The following TTYH2 variants were observed in gnomAD, a reference collection of about 807,000 sequenced individuals.
TTYH2 encodes the protein tweety family member 2.
A neutral mutation model predicts 68.3 loss-of-function variants in TTYH2; 49 were observed. The ratio of observed to expected loss-of-function variants is 0.72; its 90% confidence interval spans 0.57 to 0.91. The LOEUF is 0.91. Among genes scored for constraint, TTYH2 ranks in the 40% least tolerant of loss-of-function variants. The pLI is 0.00. For missense variants in TTYH2, 631 were observed against 700.4 expected (o/e 0.90, Z 1.12); for synonymous variants, 272 against 300.8 (o/e 0.90, Z 0.99).
chr17:74,246,521 C>T (rs2050559468), intron 6 of TTYH2, among the ~76,000 whole-genome samples: 1 of 152,090 alleles, frequency 6.6e-6, no homozygotes, highest in South Asian at 2.1e-4. Flanking sequence ...ACGGGGGTCC[C>T]TTCAGACCCA....
Position 74,222,578 on chromosome 17 carries a change from C to CGGG in TTYH2, c.224_226dup (p.Arg75_Asp76insGly). On this transcript the variant is annotated inframe_insertion, in exon 2 of 14. Transcript: ENST00000269346. The surrounding 1 kb of genome is among the most constrained non-coding windows in gnomAD (Gnocchi z 5.2). ...CCTGGTCTGTGCATGCCACTGCCGG[C>CGGG]GGGACGATGCGGTGCAGACCAAGCA... 1 of 1,612,400 alleles carries CGGG rather than the reference C, an allele frequency of 6.2e-7. No homozygotes were observed. The highest frequency in any genetic ancestry group is 1.1e-5 in the South Asian group (1 of 91,084).
chr17:74,237,991 G>A (rs1361621300), intron 4 of TTYH2, among the ~76,000 whole-genome samples: 2 of 152,122 alleles, frequency 1.3e-5, no homozygotes, highest in Non-Finnish European at 2.9e-5. Flanking sequence ...GGCTTACAGG[G>A]GCCACGTGGT....
rs181119428 is a variant in TTYH2 at position 74,239,911 on chromosome 17, C to T, written c.635+2397C>T. 2.6e-5 allele frequency among the ~76,000 whole-genome samples: 4 copies of T among 152,334 alleles called. No individual in the cohort carries two copies. The highest frequency in any genetic ancestry group is 3.9e-4 in the East Asian group (2 of 5,192). ...CAGGCAGGGGCAGGACCCATTTTAA[C>T]GTCACTCTTCTCTGAGCACACCTAG... On this transcript the variant is annotated intron_variant, in intron 4 of 13. Coordinates refer to ENST00000269346, the MANE Select transcript of TTYH2 (RefSeq NM_032646.6). This position sits in a 1 kb window ranked among gnomAD's most constrained non-coding sequence, Gnocchi z 5.3.
intron 13 of TTYH2, among the ~76,000 whole-genome samples, chr17:74,258,188 C>T (rs1271338885): frequency 1.3e-5 from 2 of 152,156 alleles, no homozygotes; most frequent in African/African-American, 4.8e-5. Flanking sequence ...GGGTCTCATA[C>T]TTGCGTATGC....
At chr17:74,259,278 T>G (rs1033707542) in intron 13 of TTYH2, among the ~76,000 whole-genome samples, 3 of 152,254 alleles carry the variant, frequency 2.0e-5, no homozygotes, top group East Asian at 3.9e-4. Flanking sequence ...GGTGTGATCT[T>G]AGCTTGCTGC....
intron 2 of TTYH2, among the ~76,000 whole-genome samples, chr17:74,225,327 A>G (rs1219930665): frequency 6.6e-6 from 1 of 152,062 alleles, no homozygotes; most frequent in Non-Finnish European, 1.5e-5. Context: ...TGGGATGGGG[A>G]AAGTGTCACG....
chr17:74,223,005 A>G (rs1364156070), intron 2 of TTYH2, among the ~76,000 whole-genome samples: 1 of 152,188 alleles, frequency 6.6e-6, no homozygotes, highest in East Asian at 1.9e-4. Context: ...TGAGGTCAGA[A>G]GAAAGTTTGA....
chr17:74,222,486 C>CGCT lies in TTYH2; in HGVS notation c.136_138dup (p.Leu46dup). On this transcript the variant is annotated inframe_insertion and splice_region_variant, in exon 2 of 14. Transcript: ENST00000269346. The surrounding 1 kb of genome is among the most constrained non-coding windows in gnomAD (Gnocchi z 5.2). ...CAACAGGCCTCTGCTCTCTTCCAGT[C>CGCT]GCTGCTGTTCCTGGGGCTGGTGGCC... is the stretch of plus-strand genomic sequence containing the variant. 6.2e-7 allele frequency: 1 copy of CGCT among 1,607,974 alleles called. No homozygotes were observed. Among genetic ancestry groups the CGCT allele is most frequent in the Non-Finnish European group, 8.5e-7 (1 of 1,179,062 alleles).
intron 2 of TTYH2, among the ~76,000 whole-genome samples, chr17:74,226,248 G>A (rs2050328317): frequency 6.6e-6 from 1 of 152,230 alleles, no homozygotes; most frequent in Non-Finnish European, 1.5e-5. Flanking sequence ...CCTGCCATAG[G>A]AAGCACAGAG....
At chr17:74,242,342 G>GCCAAGCTCAGTGCCTGGCA (rs2050510384) in intron 4 of TTYH2, among the ~76,000 whole-genome samples, 1 of 152,210 alleles carries the variant, frequency 6.6e-6, no homozygotes, top group Non-Finnish European at 1.5e-5. Flanking sequence ...TATCCCTGGT[G>GCCAAGCTCAGTGCCTGGCA]CCAAGCTCAG....
chr17:74,227,117 G>A (rs555819637), intron 2 of TTYH2, among the ~76,000 whole-genome samples: 1 of 152,278 alleles, frequency 6.6e-6, no homozygotes, highest in African/African-American at 2.4e-5. Context: ...TGGGATTACA[G>A]GCACTCGCCA....
chr17:74,251,299 G>A (rs1221641027), intron 10 of TTYH2, among the ~76,000 whole-genome samples: 1 of 150,226 alleles, frequency 6.7e-6, no homozygotes, highest in East Asian at 2.0e-4. Context: ...TGTGGTGTGT[G>A]TGCATGTGTG....
chr17:74,229,472 C>T (rs1598217989), intron 2 of TTYH2, among the ~76,000 whole-genome samples: 1 of 152,124 alleles, frequency 6.6e-6, no homozygotes, highest in African/African-American at 2.4e-5. Context: ...CCTCCCCACC[C>T]CCAGCCCCAC....
intron 8 of TTYH2, 122 bp from the exon 9 acceptor site, chr17:74,249,814 G>C: frequency 8.8e-7 from 1 of 1,141,340 alleles, no homozygotes; most frequent in Non-Finnish European, 1.3e-6. Flanking sequence ...GCCAGGTGGG[G>C]GGGTGGGAGG....
Position 74,233,613 on chromosome 17 carries a change from C to T in TTYH2, c.414+2614C>T, listed in dbSNP as rs1316874597. On this transcript the variant is annotated intron_variant, in intron 3 of 13. Coordinates refer to ENST00000269346, the MANE Select transcript of TTYH2 (RefSeq NM_032646.6). ...GCAGCTGAGTGGCCAACAAGAAGCCCTCTAGGGATGCACCCACAGAGTGGG... is the reference window on the plus strand; with the variant it reads ...GCAGCTGAGTGGCCAACAAGAAGCCTTCTAGGGATGCACCCACAGAGTGGG... 3.3e-5 allele frequency among the ~76,000 whole-genome samples: 5 copies of T among 152,118 alleles called. No individual in the cohort carries two copies. The East Asian group carries it at 9.7e-4, about 29-fold the overall frequency.
In TTYH2 at chr17:74,242,454, G is replaced by A. The variant is rs565262329; in HGVS notation, c.636-920G>A. Among the ~76,000 whole-genome samples the A allele has an allele frequency of 5.9e-5, 9 of 152,120 alleles. No homozygotes were observed. In the East Asian group the frequency reaches 1.2e-3, roughly 20 times the overall value. The stretch of plus-strand genomic sequence containing the variant: ...GTGGCCCAGGCTGGAGTGCAATGGC[G>A]CCATCTCAGCTCACTGCAACCTCTG... On this transcript the variant is annotated intron_variant, in intron 4 of 13. Coordinates refer to ENST00000269346, the MANE Select transcript of TTYH2 (RefSeq NM_032646.6).
Position 74,250,368 on chromosome 17 carries a change from A to G in TTYH2, c.1116+11A>G, listed in dbSNP as rs951515995. ...CGAGGGCTGCACAAGGTGCATGGGGACCCTGGGGTCACGTGGAGAGTGTGA... is the reference window on the plus strand; with the variant it reads ...CGAGGGCTGCACAAGGTGCATGGGGGCCCTGGGGTCACGTGGAGAGTGTGA... On this transcript the variant is annotated intron_variant, in intron 10 of 13. Transcript: ENST00000269346. The G allele has an allele frequency of 2.5e-6, 4 of 1,609,902 alleles. No individual in the cohort carries two copies. In the African/African-American group the frequency reaches 5.3e-5, roughly 22 times the overall value.
intron 6 of TTYH2, among the ~76,000 whole-genome samples, chr17:74,244,660 G>A (rs2050537539): frequency 6.6e-6 from 1 of 152,166 alleles, no homozygotes; most frequent in South Asian, 2.1e-4. Flanking sequence ...CCTAACACTG[G>A]CGCTAAGCTG....
Position 74,222,639 on chromosome 17 carries a change from T to C in TTYH2, c.284T>C (p.Val95Ala). 3.7e-6 allele frequency: 6 copies of C among 1,610,022 alleles called. No homozygotes were observed. The highest frequency in any genetic ancestry group is 5.1e-6 in the Non-Finnish European group (6 of 1,179,712). ...TGCTGCATCACCTGGACGGCCGTGG[T>C]GGCCGGGCTCATCTGCTGGTGAGTG... ...HSCCITWTAV[V>A]AGLICCAAVG... Residue 95 changes from valine (V) to alanine (A), a missense_variant, in exon 2 of 14, where the codon GTG (valine) becomes GCG (alanine). Physicochemically the swap from Val to Ala is moderately conservative, Grantham distance 64 (BLOSUM62 0). Coordinates refer to ENST00000269346, the MANE Select transcript of TTYH2 (RefSeq NM_032646.6). The surrounding 1 kb of genome is among the most constrained non-coding windows in gnomAD (Gnocchi z 5.2).
Sources: allele counts gnomAD v4.1 joint callset (sites outside exome capture counted in the v4.1 genomes callset), GRCh38; gene constraint gnomAD v4.1.1; non-coding constraint Gnocchi (gnomAD v3.1); transcripts MANE v1.5; gene names NCBI Gene and HGNC (gene_info 2026-07-23, HGNC 2026-07-21).